CSNK1G1: variants seen among roughly 807,000 people sequenced by gnomAD.
CSNK1G1 encodes casein kinase I isoform gamma-1.
A neutral mutation model predicts 59.6 loss-of-function variants in CSNK1G1; 22 were observed. The observed-to-expected ratio is 0.37, with a 90% CI of 0.26 to 0.53. CSNK1G1 has a LOEUF of 0.53. Ranked by LOEUF, CSNK1G1 falls within the 20% of genes least tolerant of loss-of-function variation. The pLI is 0.89. For missense variants in CSNK1G1, 384 were observed against 519.5 expected (o/e 0.74, Z 2.54); for synonymous variants, 179 against 177.1 (o/e 1.01, Z -0.08).
At chr15:64,208,257 A>ATT (rs2082207858) in intron 6 of CSNK1G1, among the ~76,000 whole-genome samples, 1 of 152,198 alleles carries the variant, frequency 6.6e-6, no homozygotes, top group South Asian at 2.1e-4. Flanking sequence ...CAGCTACTTA[A>ATT]GAGGCTGACG....
At chr15:64,290,759 TA>T (rs767836919) in intron 2 of CSNK1G1, among the ~76,000 whole-genome samples, 3 of 152,230 alleles carry the variant, frequency 2.0e-5, no homozygotes, top group Admixed American at 1.3e-4. Flanking sequence ...TCAATTAATT[TA>T]TTTTTTTTGA....
intron 4 of CSNK1G1, among the ~76,000 whole-genome samples, chr15:64,244,822 C>T (rs1360173666): frequency 1.3e-5 from 2 of 151,502 alleles, no homozygotes; most frequent in African/African-American, 2.4e-5. Flanking sequence ...TGTATCAAGG[C>T]GGGGAAAAAA....
chr15:64,222,025 C>T (rs1402985617), intron 4 of CSNK1G1, among the ~76,000 whole-genome samples: 1 of 151,962 alleles, frequency 6.6e-6, no homozygotes, highest in Non-Finnish European at 1.5e-5. Context: ...TGGAACCAAC[C>T]CAAATGCCCA....
intron 11 of CSNK1G1, among the ~76,000 whole-genome samples, chr15:64,178,244 A>T (rs867190464): frequency 3.3e-5 from 5 of 152,092 alleles, no homozygotes; most frequent in Non-Finnish European, 4.4e-5. Flanking sequence ...GAGTACCATT[A>T]ATATCTCCAA....
chr15:64,249,038 C>A (rs1029197282), intron 4 of CSNK1G1, among the ~76,000 whole-genome samples: 20 of 152,282 alleles, frequency 1.3e-4, no homozygotes, highest in African/African-American at 4.6e-4. Context: ...AGGAGAATGG[C>A]GTGAACCCGG....
At chr15:64,279,578 C>T (rs1894007305) in intron 2 of CSNK1G1, among the ~76,000 whole-genome samples, 1 of 152,036 alleles carries the variant, frequency 6.6e-6, no homozygotes. Flanking sequence ...AGGAATAATG[C>T]TGCTATGAAT....
intron 4 of CSNK1G1, among the ~76,000 whole-genome samples, chr15:64,231,081 C>T (rs980109308): frequency 2.6e-5 from 4 of 151,562 alleles, no homozygotes; most frequent in Admixed American, 6.6e-5. Context: ...AATCTCAGCA[C>T]TTTGGGAGGC....
chr15:64,206,040 C>CT (rs1189989425), intron 7 of CSNK1G1, among the ~76,000 whole-genome samples: 2 of 152,178 alleles, frequency 1.3e-5, no homozygotes, highest in African/African-American at 4.8e-5. Context: ...GGCGCGATGG[C>CT]TCATGCCTGT....
intron 2 of CSNK1G1, among the ~76,000 whole-genome samples, chr15:64,279,020 T>A (rs1174373248): frequency 6.6e-6 from 1 of 152,226 alleles, no homozygotes; most frequent in Non-Finnish European, 1.5e-5. Context: ...CTAAGTGGTA[T>A]GAAGATCACT....
chr15:64,238,494 T>TAAAA (rs1169739046), intron 4 of CSNK1G1, among the ~76,000 whole-genome samples: 640 of 56,416 alleles, frequency 0.011, 15 homozygotes, highest in Middle Eastern at 0.018. Context: ...CCCTGTCCCT[T>TAAAA]AAAAAAAAAA....
At chr15:64,306,837 T>C (rs767985196) in intron 1 of CSNK1G1, among the ~76,000 whole-genome samples, 5 of 152,122 alleles carry the variant, frequency 3.3e-5, no homozygotes, top group African/African-American at 2.4e-5. Context: ...CAAAAAGACA[T>C]AGAAGAACCT....
chr15:64,203,290 A>C (rs952842643), intron 9 of CSNK1G1, 101 bp from the exon 10 acceptor site: 3 of 793,048 alleles, frequency 3.8e-6, no homozygotes, highest in Non-Finnish European at 2.1e-6. Context: ...AGTAGTAATT[A>C]TTTTCAGCTA....
chr15:64,334,626 G>A (rs1184113565), intron 1 of CSNK1G1, among the ~76,000 whole-genome samples: 1 of 152,162 alleles, frequency 6.6e-6, no homozygotes, highest in Non-Finnish European at 1.5e-5. Flanking sequence ...CTCATAAGGA[G>A]TGCATAACCT....
Position 64,210,227 on chromosome 15 carries a change from C to T in CSNK1G1, c.680-2633G>A, listed in dbSNP as rs1334849909. Among the ~76,000 whole-genome samples, 4 of 152,140 alleles carry T rather than the reference C, an allele frequency of 2.6e-5. No homozygotes were observed. The highest frequency in any genetic ancestry group is 9.7e-5 in the African/African-American group (4 of 41,424). ...TTAATCCAGTGAAATTAAGCATGGT[C>T]AAGTCACCTACTTTGGGTCTCAGTT... On this transcript the variant is annotated intron_variant, in intron 6 of 11. Coordinates refer to ENST00000303052, the MANE Select transcript of CSNK1G1 (RefSeq NM_022048.5). The surrounding 1 kb of genome is among the most constrained non-coding windows in gnomAD (Gnocchi z 4.2).
At chr15:64,256,641 G>C (rs1438250448) in intron 3 of CSNK1G1, among the ~76,000 whole-genome samples, 1 of 152,116 alleles carries the variant, frequency 6.6e-6, no homozygotes, top group Non-Finnish European at 1.5e-5. Flanking sequence ...AAACCCAACT[G>C]TTAGAAAACC....
intron 2 of CSNK1G1, among the ~76,000 whole-genome samples, chr15:64,286,231 G>A (rs1037453822): frequency 7.9e-5 from 12 of 151,746 alleles, no homozygotes; most frequent in Non-Finnish European, 1.5e-4. Flanking sequence ...GCCAATTCCA[G>A]CAGAGATATC....
chr15:64,230,290 T>C (rs865819804), intron 4 of CSNK1G1, among the ~76,000 whole-genome samples: 12 of 151,756 alleles, frequency 7.9e-5, no homozygotes, highest in Non-Finnish European at 1.0e-4. Flanking sequence ...TAGTGCCAAA[T>C]TGCCAGTTTT....
At chr15:64,314,974 A>G (rs900369539) in intron 1 of CSNK1G1, among the ~76,000 whole-genome samples, 3 of 152,222 alleles carry the variant, frequency 2.0e-5, no homozygotes, top group African/African-American at 7.2e-5. Flanking sequence ...CTGATTTCAA[A>G]TCTTTTGGAT....
chr15:64,267,271 A>G (rs562107527), intron 2 of CSNK1G1, among the ~76,000 whole-genome samples: 161 of 151,140 alleles, frequency 1.1e-3, no homozygotes, highest in African/African-American at 2.7e-3. Context: ...AAAAAAAAAA[A>G]AAAAGAAAAG....
Sources: allele counts gnomAD v4.1 joint callset (sites outside exome capture counted in the v4.1 genomes callset), GRCh38; gene constraint gnomAD v4.1.1; non-coding constraint Gnocchi (gnomAD v3.1); transcripts MANE v1.5; gene names NCBI Gene and HGNC (gene_info 2026-07-23, HGNC 2026-07-21).